The following SLC4A4 variants were observed in gnomAD, a reference collection of about 807,000 sequenced individuals.
The protein encoded by SLC4A4 is solute carrier family 4 member 4, also known as electrogenic sodium bicarbonate cotransporter 1.
SLC4A4 carries 27 observed loss-of-function variants against 111.5 expected under a neutral mutation model. The observed-to-expected ratio is 0.24, with a 90% CI of 0.18 to 0.33. SLC4A4 has a LOEUF of 0.33. SLC4A4 is among the 10% of genes least tolerant of loss of function. The pLI is 1.00. For missense variants in SLC4A4, 909 were observed against 1,315.5 expected, an observed-to-expected ratio of 0.69 and a Z score of 4.78; for synonymous variants, 443 against 463.4, an observed-to-expected ratio of 0.96 and a Z score of 0.57.
intron 7 of SLC4A4, among the ~76,000 whole-genome samples, chr4:71,426,927 T>C (rs1723196720): frequency 6.6e-6 from 1 of 152,062 alleles, no homozygotes; most frequent in South Asian, 2.1e-4. Context: ...TACCCTTAAG[T>C]ATTCCCCACC....
chr4:71,427,196 C>G (rs895531774), intron 7 of SLC4A4, among the ~76,000 whole-genome samples: 1 of 151,786 alleles, frequency 6.6e-6, no homozygotes, highest in African/African-American at 2.4e-5. Context: ...CTTTTGCTTT[C>G]TTTGAATTTA....
intron 16 of SLC4A4, among the ~76,000 whole-genome samples, chr4:71,512,398 A>G (rs1332414994): frequency 1.3e-5 from 2 of 152,120 alleles, no homozygotes; most frequent in African/African-American, 4.8e-5. Flanking sequence ...ATGATTAGTG[A>G]TGCTGAGCAT....
In SLC4A4 at chr4:71,440,541, C is replaced by A; in HGVS notation, c.808-75C>A. ...TACATGGGAAGGCCCTTTTTGTTCC[C>A]TTCTCTGGAACTAATAGTAATTCCA... On this transcript the variant is annotated intron_variant, in intron 7 of 25. Transcript: ENST00000264485. 2.6e-6 allele frequency: 4 copies of A among 1,561,596 alleles called. No individual in the cohort carries two copies. The South Asian group carries it at 4.5e-5, about 17-fold the overall frequency.
intron 8 of SLC4A4, among the ~76,000 whole-genome samples, chr4:71,441,526 T>G (rs1577911783): frequency 3.5e-5 from 5 of 142,922 alleles, no homozygotes; most frequent in African/African-American, 7.9e-5. Context: ...GGATGGGGGG[T>G]GGGGGAGTTG....
chr4:71,289,737 G>A (rs995069435), intron 3 of SLC4A4, among the ~76,000 whole-genome samples: 16 of 152,198 alleles, frequency 1.1e-4, no homozygotes, highest in Admixed American at 8.5e-4. Context: ...TATATGTGAG[G>A]CCATAGGTTT....
intron 2 of SLC4A4, among the ~76,000 whole-genome samples, chr4:71,179,994 C>G (rs1043730586): frequency 6.6e-6 from 1 of 152,176 alleles, no homozygotes; most frequent in South Asian, 2.1e-4. Flanking sequence ...GTACTGGTAC[C>G]AAAACAGAGA....
In SLC4A4 at chr4:71,381,031, G is replaced by A. The variant is rs146562056; in HGVS notation, c.731-16546G>A. Among the ~76,000 whole-genome samples the A allele has an allele frequency of 3.2e-4, 49 of 152,298 alleles. 1 individual carries two copies. In the East Asian group the frequency reaches 9.1e-3, roughly 28 times the overall value. On this transcript the variant is annotated intron_variant, in intron 6 of 25. Coordinates refer to ENST00000264485, the MANE Select transcript of SLC4A4 (RefSeq NM_001098484.3). ...CCATTCTTATCAATCCCAGGAAACA[G>A]CTGGAGCACACTTACTATTATGGGC...
At chr4:71,190,385 T>TACACACACACACAC (rs5859253) in intron 1 of SLC4A4, among the ~76,000 whole-genome samples, 4 of 143,676 alleles carry the variant, frequency 2.8e-5, no homozygotes, top group African/African-American at 7.7e-5. Flanking sequence ...TATGTATGTT[T>TACACACACACACAC]ACACACACAC....
At chr4:71,245,134 C>T (rs981896274) in intron 2 of SLC4A4, among the ~76,000 whole-genome samples, 3 of 151,994 alleles carry the variant, frequency 2.0e-5, no homozygotes, top group Non-Finnish European at 4.4e-5. Flanking sequence ...AAGAGGTAGG[C>T]CCATTTGAGA....
chr4:71,519,406 G>T (rs1052780152), intron 16 of SLC4A4, among the ~76,000 whole-genome samples: 1 of 152,112 alleles, frequency 6.6e-6, no homozygotes, highest in African/African-American at 2.4e-5. Context: ...CTAGAATAAT[G>T]ATAGCATTCT....
At chr4:71,353,261 T>C (rs1730002272) in intron 5 of SLC4A4, among the ~76,000 whole-genome samples, 2 of 152,232 alleles carry the variant, frequency 1.3e-5, no homozygotes, top group African/African-American at 2.4e-5. Flanking sequence ...GACACTACTA[T>C]GTCACTTTGA....
intron 7 of SLC4A4, among the ~76,000 whole-genome samples, chr4:71,418,221 A>G (rs774371805): frequency 6.6e-6 from 1 of 152,214 alleles, no homozygotes; most frequent in Non-Finnish European, 1.5e-5. Context: ...CCATTTGTAA[A>G]TGTGCTGCTT....
intron 7 of SLC4A4, among the ~76,000 whole-genome samples, chr4:71,414,433 A>G (rs1248868011): frequency 6.6e-6 from 1 of 152,230 alleles, no homozygotes; most frequent in African/African-American, 2.4e-5. Flanking sequence ...GTTTCTGCAC[A>G]AGATAGGCAT....
intron 15 of SLC4A4, among the ~76,000 whole-genome samples, chr4:71,487,681 A>G (rs900291920): frequency 6.6e-6 from 1 of 151,628 alleles, no homozygotes; most frequent in Non-Finnish European, 1.5e-5. Context: ...AAGAATATCA[A>G]TCTTTCAGTT....
At chr4:71,187,955 C>G (rs78967350) in intron 1 of SLC4A4, among the ~76,000 whole-genome samples, 9,110 of 152,314 alleles carry the variant, frequency 0.06, 888 homozygotes, top group African/African-American at 0.21. Context: ...GGCAGATTCT[C>G]TGCAAGTGGC....
At chr4:71,331,007 A>C (rs1727937707) in intron 3 of SLC4A4, among the ~76,000 whole-genome samples, 1 of 152,184 alleles carries the variant, frequency 6.6e-6, no homozygotes. Context: ...CCCTCAGAGA[A>C]ATGCAAATCA....
chr4:71,174,327 G>T, intron 2 of SLC4A4, among the ~76,000 whole-genome samples: 1 of 150,186 alleles, frequency 6.7e-6, no homozygotes, highest in Non-Finnish European at 1.5e-5. Context: ...TCAGCTCACT[G>T]CAGTCTCTGC....
chr4:71,547,545 C>A, intron 19 of SLC4A4, 103 bp from the exon 20 acceptor site: 1 of 931,138 alleles, frequency 1.1e-6, no homozygotes, highest in Non-Finnish European at 1.8e-6. Context: ...TTGTTTTAGC[C>A]AAACATTGAT....
chr4:71,183,103 G>A (rs1745342812), upstream of SLC4A4, among the ~76,000 whole-genome samples: 1 of 152,134 alleles, frequency 6.6e-6, no homozygotes, highest in South Asian at 2.1e-4. Context: ...GTATCCTGTT[G>A]GAATTGCTGA....
Sources: gnomAD v4.1 joint callset for allele counts (sites outside exome capture counted in the v4.1 genomes callset) on GRCh38, gnomAD v4.1.1 for gene constraint, MANE v1.5 for transcripts, NCBI Gene and HGNC (gene_info 2026-07-23, HGNC 2026-07-21) for gene names.